The following CEP89 variants were observed in gnomAD, a reference collection of about 807,000 sequenced individuals.
The protein encoded by CEP89 is centrosomal protein of 89 kDa.
A neutral mutation model predicts 97.6 loss-of-function variants in CEP89; 95 were observed. The ratio of observed to expected loss-of-function variants is 0.97; its 90% CI spans 0.82 to 1.15. The LOEUF (loss-of-function observed/expected upper bound fraction) is 1.15, where lower values mean the gene tolerates loss of function less well. Among genes scored for constraint, CEP89 ranks in the 50% most tolerant of loss-of-function variants. The pLI, the probability that CEP89 is intolerant of heterozygous loss-of-function variation, is 0.00. For synonymous variants in CEP89, 354 were observed against 349.1 expected (o/e 1.01, Z -0.16); for missense variants, 869 against 947.7 (o/e 0.92, Z 1.09).
chr19:32,966,950 C>G (rs925457765), intron 1 of CEP89, among the ~76,000 whole-genome samples: 7 of 152,140 alleles, frequency 4.6e-5, no homozygotes, highest in African/African-American at 1.7e-4. Context: ...TTCAGCCACA[C>G]GAGTAGACGG....
At chr19:32,890,436 C>T (rs996006190) in intron 16 of CEP89, among the ~76,000 whole-genome samples, 10 of 152,060 alleles carry the variant, frequency 6.6e-5, no homozygotes, top group African/African-American at 2.4e-4. Flanking sequence ...AACCTGTTTT[C>T]AGGAGGAAGG....
At chr19:32,960,190 C>T (rs1037674879) in intron 2 of CEP89, 132 bp from the exon 3 acceptor site, 2 of 831,198 alleles carry the variant, frequency 2.4e-6, no homozygotes, top group Admixed American at 4.7e-5. Flanking sequence ...CTGCACCCAT[C>T]ATCTACCGCA....
chr19:32,958,131 C>T (rs1241998228), intron 3 of CEP89, among the ~76,000 whole-genome samples: 1 of 151,088 alleles, frequency 6.6e-6, no homozygotes, highest in East Asian at 1.9e-4. Context: ...GAACGATTTA[C>T]TCGTTTTTAG....
rs990307147 is a variant in CEP89 at position 32,926,257 on chromosome 19, A to G, written c.1097T>C (p.Leu366Pro). 3 of 1,612,150 alleles carry G rather than the reference A, an allele frequency of 1.9e-6. No individual in the cohort carries two copies. The highest frequency in any genetic ancestry group is 2.5e-6 in the Non-Finnish European group (3 of 1,178,300). Residue 366 changes from leucine to proline, a missense_variant, in exon 11 of 19, where the codon CTG (leucine) becomes CCG (proline). Coordinates refer to ENST00000305768, the MANE Select transcript of CEP89 (RefSeq NM_032816.5). ...TTCATAAGCCAGCAACAATGGTGACAGGTACTTTATATCCAACTGAAGATA... is the reference window on the plus strand; with the variant it reads ...TTCATAAGCCAGCAACAATGGTGACGGGTACTTTATATCCAACTGAAGATA... ...IPPWLLDIKY[L>P]SPLLLAYEDM...
chr19:32,906,196 T>C (rs1179724954), intron 14 of CEP89, among the ~76,000 whole-genome samples: 1 of 152,250 alleles, frequency 6.6e-6, no homozygotes, highest in Non-Finnish European at 1.5e-5. Context: ...TTAGCGTATC[T>C]ACTGCTGGTA....
In CEP89 at chr19:32,954,590, G is replaced by T. The variant is rs559658435; in HGVS notation, c.306-789C>A. Among the ~76,000 whole-genome samples the T allele has an allele frequency of 1.3e-3, 194 of 149,292 alleles. 1 individual carries two copies. The highest frequency in any genetic ancestry group is 4.6e-3 in the African/African-American group (186 of 40,636). The stretch of plus-strand genomic sequence containing the variant: ...CTGGTCTTGAACTCCTTGGCTCAAG[G>T]GATCCGCCTGCCTCAGCCTCCTAAA... On this transcript the variant is annotated intron_variant, in intron 3 of 18. Coordinates refer to ENST00000305768, the MANE Select transcript of CEP89 (RefSeq NM_032816.5).
intron 8 of CEP89, among the ~76,000 whole-genome samples, chr19:32,931,853 A>C (rs1970481333): frequency 6.6e-6 from 1 of 152,220 alleles, no homozygotes; most frequent in African/African-American, 2.4e-5. Context: ...AGGAATAGTC[A>C]TTGTTTCAGA....
At chr19:32,963,674 T>C (rs957962921) in intron 2 of CEP89, 6 of 152,286 alleles carry the variant, frequency 3.9e-5, no homozygotes, top group African/African-American at 1.4e-4. Context: ...GAACTCGAGA[T>C]GTGTGCATTG....
chr19:32,902,908 A>C (rs1448270230), intron 14 of CEP89, among the ~76,000 whole-genome samples: 1 of 152,248 alleles, frequency 6.6e-6, no homozygotes, highest in African/African-American at 2.4e-5. Context: ...ATACCCCACC[A>C]GTCAGAATGG....
At chr19:32,904,368 T>G (rs944317054) in intron 14 of CEP89, among the ~76,000 whole-genome samples, 3 of 152,050 alleles carry the variant, frequency 2.0e-5, no homozygotes, top group African/African-American at 7.2e-5. Flanking sequence ...TAAAACTGAA[T>G]GGAAAAAAAC....
chr19:32,921,526 G>C (rs1020059935), intron 12 of CEP89, among the ~76,000 whole-genome samples: 1 of 152,264 alleles, frequency 6.6e-6, no homozygotes, highest in Non-Finnish European at 1.5e-5. Context: ...CAGGATTGGG[G>C]AACACTGCGG....
chr19:32,895,769 G>A (rs1305976301), intron 16 of CEP89, among the ~76,000 whole-genome samples: 1 of 150,042 alleles, frequency 6.7e-6, no homozygotes, highest in Non-Finnish European at 1.5e-5. Flanking sequence ...AAAAAGTTTA[G>A]TAAAGTTGCA....
chr19:32,929,527 G>A (rs998050913), intron 9 of CEP89, among the ~76,000 whole-genome samples: 6 of 152,062 alleles, frequency 3.9e-5, no homozygotes, highest in African/African-American at 7.2e-5. Flanking sequence ...ACTTGAACCC[G>A]GGAGGTAGAG....
chr19:32,938,945 A>G (rs762446508), intron 6 of CEP89, among the ~76,000 whole-genome samples: 7 of 151,774 alleles, frequency 4.6e-5, no homozygotes, highest in Non-Finnish European at 8.8e-5. Context: ...GCAAGACTCC[A>G]TCTCAGAAAA....
At chr19:32,932,863 TC>T (rs1004567275) in intron 8 of CEP89, among the ~76,000 whole-genome samples, 3 of 151,948 alleles carry the variant, frequency 2.0e-5, no homozygotes, top group African/African-American at 7.3e-5. Context: ...GGTGGAAGGA[TC>T]ACTTGAGCCC....
rs567975198 is a variant in CEP89, at chr19:32,956,986, T to C, written c.305+2914A>G. On this transcript the variant is annotated intron_variant, in intron 3 of 18. Transcript: ENST00000305768. ...GGCGAGGCTCAAAGCTGATTTCTAA[T>C]ACTGCTAATCAATATAGCACTGAAT... Among the ~76,000 whole-genome samples the C allele has an allele frequency of 1.8e-4, 28 of 152,328 alleles. 1 individual carries two copies. Among genetic ancestry groups the C allele is most frequent in the African/African-American group, 6.0e-4 (25 of 41,572 alleles).
At position 32,878,743 on chromosome 19, in the gene CEP89, G is replaced by T; in HGVS notation, c.*419C>A. On this transcript the variant is annotated 3_prime_UTR_variant, in exon 19 of 19. Transcript: ENST00000305768. ...CGCACTTTGGGAGGCCAAGGCAGGA[G>T]GACAGATTGAGGCCAGGAGTTCAAG... 6.4e-6 allele frequency: 1 copy of T among 156,632 alleles called. No homozygotes were observed. Among genetic ancestry groups the T allele is most frequent in the South Asian group, 2.0e-4 (1 of 4,958 alleles). 9.7% of individuals were successfully genotyped at this position (156,632 alleles called of 1,614,324 possible).
chr19:32,923,698 G>C (rs1274609723), intron 11 of CEP89, among the ~76,000 whole-genome samples, 156 bp from the exon 12 acceptor site: 1 of 152,160 alleles, frequency 6.6e-6, no homozygotes, highest in African/African-American at 2.4e-5. Flanking sequence ...CAGCACCAGT[G>C]GTGCCTGCTC....
chr19:32,900,100 T>G (rs10426667), intron 15 of CEP89, 102 bp from the exon 16 acceptor site: 213,551 of 1,061,776 alleles, frequency 0.2, 23,171 homozygotes, highest in Admixed American at 0.39. Flanking sequence ...TGTTAGCATT[T>G]AAATGCTATT....
Sources: gnomAD v4.1 joint callset for allele counts (sites outside exome capture counted in the v4.1 genomes callset) on GRCh38, gnomAD v4.1.1 for gene constraint, MANE v1.5 for transcripts, NCBI Gene and HGNC (gene_info 2026-07-23, HGNC 2026-07-21) for gene names.